The following NAV3 variants were observed in gnomAD, a reference collection of about 807,000 sequenced individuals.
NAV3 encodes the protein neuron navigator 3.
Under a neutral mutation model 244.7 loss-of-function variants are expected in NAV3, and 87 were observed. That is an observed-to-expected ratio of 0.36 (90% confidence interval 0.30 to 0.42). The LOEUF is 0.42. Ranked by LOEUF, NAV3 falls within the 20% of genes least tolerant of loss-of-function variation. The probability of loss-of-function intolerance (pLI) is 1.00; values close to 1 mark genes in which losing one functional copy is unlikely to be tolerated. For synonymous variants in NAV3, 1,126 were observed against 1,042.2 expected (o/e 1.08, Z -1.55); for missense variants, 2,663 against 2,893.3 (o/e 0.92, Z 1.83).
At chr12:77,767,559 T>G (rs1283299681) in intron 2 of NAV3, among the ~76,000 whole-genome samples, 1 of 152,180 alleles carries the variant, frequency 6.6e-6, no homozygotes, top group Non-Finnish European at 1.5e-5. Context: ...GGCCACTGCA[T>G]ACAGCCAAGC....
At chr12:77,710,312 A>G (rs1876045640) in intron 2 of NAV3, among the ~76,000 whole-genome samples, 1 of 150,264 alleles carries the variant, frequency 6.7e-6, no homozygotes, top group Non-Finnish European at 1.5e-5. Flanking sequence ...TAGATTGTTA[A>G]TCTAAAACTG....
intron 1 of NAV3, among the ~76,000 whole-genome samples, chr12:77,900,305 T>A (rs1253011942): frequency 6.6e-6 from 1 of 152,162 alleles, no homozygotes; most frequent in Non-Finnish European, 1.5e-5. Flanking sequence ...CTCGATCTCC[T>A]GACCTCATGA....
chr12:77,636,967 A>G (rs1430915330), intron 2 of NAV3, among the ~76,000 whole-genome samples: 1 of 152,036 alleles, frequency 6.6e-6, no homozygotes, highest in African/African-American at 2.4e-5. Flanking sequence ...AGGGAGGGGA[A>G]CATCACACAC....
At chr12:77,741,010 A>G (rs2137392335) in intron 2 of NAV3, among the ~76,000 whole-genome samples, 1 of 152,136 alleles carries the variant, frequency 6.6e-6, no homozygotes, top group Non-Finnish European at 1.5e-5. Context: ...TTGGGATAAA[A>G]GAGTAGAAGA....
chr12:77,683,950 G>T (rs929790001), intron 2 of NAV3, among the ~76,000 whole-genome samples: 1 of 152,006 alleles, frequency 6.6e-6, no homozygotes. Flanking sequence ...TTTCTTTTCA[G>T]TAAATATGTA....
chr12:77,591,801 C>G (rs1235741104), intron 2 of NAV3, among the ~76,000 whole-genome samples: 1 of 152,068 alleles, frequency 6.6e-6, no homozygotes. Context: ...GTATGTGTAT[C>G]TATCTATATC....
chr12:78,199,175 A>G (rs925462946), intron 36 of NAV3, 160 bp from the exon 37 acceptor site: 2 of 714,096 alleles, frequency 2.8e-6, no homozygotes, highest in African/African-American at 3.5e-5. Context: ...TAGACCTCCT[A>G]ACACCTTTGA....
At chr12:77,850,640 A>G (rs779937001) in intron 1 of NAV3, among the ~76,000 whole-genome samples, 1 of 152,124 alleles carries the variant, frequency 6.6e-6, no homozygotes, top group South Asian at 2.1e-4. Context: ...TTCAAGGTCA[A>G]ATTTCTTTTC....
intron 2 of NAV3, among the ~76,000 whole-genome samples, chr12:77,707,083 A>C (rs1431010268): frequency 2.1e-5 from 3 of 145,404 alleles, no homozygotes; most frequent in African/African-American, 7.7e-5. Context: ...CTTTTTTTTT[A>C]ATTATACTTT....
intron 1 of NAV3, among the ~76,000 whole-genome samples, chr12:77,925,850 C>A (rs1245355077): frequency 6.6e-6 from 1 of 152,058 alleles, no homozygotes; most frequent in African/African-American, 2.4e-5. Context: ...TGACAGATCT[C>A]ACCAATATGT....
At chr12:77,913,700 GC>G (rs1435795477) in intron 1 of NAV3, among the ~76,000 whole-genome samples, 1 of 152,052 alleles carries the variant, frequency 6.6e-6, no homozygotes, top group Non-Finnish European at 1.5e-5. Context: ...TGGTTGAGAG[GC>G]TGGAAGCAAA....
intron 1 of NAV3, among the ~76,000 whole-genome samples, chr12:77,898,758 ACT>A (rs1884927586): frequency 6.6e-6 from 1 of 152,150 alleles, no homozygotes; most frequent in South Asian, 2.1e-4. Flanking sequence ...TTCAACTCTC[ACT>A]CTAAGAAATA....
At chr12:77,677,454 T>C (rs944382177) in intron 2 of NAV3, among the ~76,000 whole-genome samples, 5 of 152,244 alleles carry the variant, frequency 3.3e-5, no homozygotes, top group African/African-American at 1.2e-4. Context: ...TTAAAATTCT[T>C]AATTTTTAAA....
intron 2 of NAV3, among the ~76,000 whole-genome samples, chr12:77,760,978 G>A (rs937003337): frequency 5.3e-5 from 8 of 152,086 alleles, no homozygotes; most frequent in Non-Finnish European, 1.5e-5. Context: ...TCTCCACTTC[G>A]GGAATTCCAC....
In NAV3 at chr12:77,843,159, T is replaced by C. The variant is rs1380005933; in HGVS notation, c.243+11455T>C. Among the ~76,000 whole-genome samples the C allele has an allele frequency of 3.3e-5, 5 of 152,280 alleles. No homozygotes were observed. In the South Asian group the frequency reaches 1.0e-3, roughly 32 times the overall value. On this transcript the variant is annotated intron_variant, in intron 1 of 39. Transcript: ENST00000397909. ...CAAAGCACCTGCTTTTTATACTATT[T>C]CTTCCTTCCTTTGGCTGGCTTTTTG...
intron 24 of NAV3, among the ~76,000 whole-genome samples, chr12:78,174,728 C>G (rs1958148170): frequency 6.6e-6 from 1 of 151,932 alleles, no homozygotes; most frequent in Admixed American, 6.6e-5. Context: ...TTTGGAGGAT[C>G]TGCCTTTCAT....
intron 2 of NAV3, among the ~76,000 whole-genome samples, chr12:77,588,051 T>G (rs1869696918): frequency 6.6e-6 from 1 of 152,238 alleles, no homozygotes; most frequent in Non-Finnish European, 1.5e-5. Flanking sequence ...AAACATTTAT[T>G]TGTGCACATC....
intron 11 of NAV3, among the ~76,000 whole-genome samples, chr12:78,053,137 C>T (rs915718549): frequency 1.3e-4 from 19 of 151,538 alleles, no homozygotes; most frequent in Middle Eastern, 6.9e-3. Context: ...CACCTGAAAC[C>T]GGGAGGCAGA....
At position 78,143,445 on chromosome 12, in the gene NAV3, A is replaced by G. The variant is rs1050947553; in HGVS notation, c.4684-2924A>G. 3 of 408,806 alleles carry G rather than the reference A, an allele frequency of 7.3e-6. No homozygotes were observed. The East Asian group carries it at 2.7e-4, about 37-fold the overall frequency. 25.3% of individuals were successfully genotyped at this position (408,806 alleles called of 1,614,324 possible). A position where few individuals can be genotyped will look rare whatever the true frequency, so the allele number is the denominator to read the frequency against. On this transcript the variant is annotated intron_variant, in intron 20 of 39. Transcript: ENST00000397909. Reference sequence around the variant, plus strand: ...CAGGAGTTCGAGACCAGCCTGGCCAACATGGCAAAACCCCGTCTCTACTAA... The same window carrying G: ...CAGGAGTTCGAGACCAGCCTGGCCAGCATGGCAAAACCCCGTCTCTACTAA...
Sources: gnomAD v4.1 joint callset for allele counts (sites outside exome capture counted in the v4.1 genomes callset) on GRCh38, gnomAD v4.1.1 for gene constraint, MANE v1.5 for transcripts, NCBI Gene and HGNC (gene_info 2026-07-23, HGNC 2026-07-21) for gene names.